The following RCOR1 variants were observed in gnomAD, a reference collection of about 807,000 sequenced individuals.
RCOR1 encodes the protein REST corepressor.
In RCOR1, 12 loss-of-function variants were observed where a neutral mutation model predicts 64.0. The ratio of observed to expected loss-of-function variants is 0.19; its 90% CI spans 0.12 to 0.30. The LOEUF is 0.30. Among genes scored for constraint, RCOR1 ranks in the 10% least tolerant of loss-of-function variants. The pLI, the probability that RCOR1 is intolerant of heterozygous loss-of-function variation, is 1.00. For synonymous variants in RCOR1, 279 were observed against 227.2 expected (o/e 1.23, Z -2.05); for missense variants, 502 against 621.2 (o/e 0.81, Z 2.04).
chr14:102,710,201 A>G (rs913258084), intron 6 of RCOR1, among the ~76,000 whole-genome samples: 1 of 152,176 alleles, frequency 6.6e-6, no homozygotes, highest in African/African-American at 2.4e-5. Flanking sequence ...GTCCCGTGGG[A>G]TGGATTCCAG....
chr14:102,702,673 C>T (rs763592302), intron 4 of RCOR1, among the ~76,000 whole-genome samples: 7 of 152,148 alleles, frequency 4.6e-5, no homozygotes, highest in Admixed American at 2.6e-4. Flanking sequence ...AGTTTATACT[C>T]AGGCTGATCC....
chr14:102,593,902 G>A (rs951344046), intron 2 of RCOR1, among the ~76,000 whole-genome samples: 1 of 152,226 alleles, frequency 6.6e-6, no homozygotes, highest in Non-Finnish European at 1.5e-5. Flanking sequence ...CCTGCCTGGG[G>A]AAGAGAGTCT....
At chr14:102,685,495 T>G (rs1895399366) in intron 3 of RCOR1, among the ~76,000 whole-genome samples, 1 of 152,110 alleles carries the variant, frequency 6.6e-6, no homozygotes. Flanking sequence ...CTTTTTTTTT[T>G]TTTTGAGACA....
intron 4 of RCOR1, among the ~76,000 whole-genome samples, chr14:102,705,309 G>A (rs1393469337): frequency 1.3e-5 from 2 of 152,032 alleles, no homozygotes; most frequent in East Asian, 1.9e-4. Context: ...GCTGATTTCC[G>A]AATCACGTTC....
At chr14:102,644,917 C>T (rs947145074) in intron 2 of RCOR1, among the ~76,000 whole-genome samples, 8 of 152,184 alleles carry the variant, frequency 5.3e-5, no homozygotes, top group African/African-American at 1.4e-4. Context: ...CTGAGTTACC[C>T]TTTTCCCTAA....
At chr14:102,639,708 A>T (rs1300908122) in intron 2 of RCOR1, among the ~76,000 whole-genome samples, 1 of 148,098 alleles carries the variant, frequency 6.8e-6, no homozygotes, top group African/African-American at 2.5e-5. Context: ...TGATTTTTGT[A>T]GTTTTGTGGA....
intron 3 of RCOR1, among the ~76,000 whole-genome samples, chr14:102,683,723 C>T (rs771694026): frequency 1.3e-5 from 2 of 152,354 alleles, no homozygotes; most frequent in Non-Finnish European, 2.9e-5. Flanking sequence ...GTGCGCTCGG[C>T]CACGCTTAGG....
intron 2 of RCOR1, among the ~76,000 whole-genome samples, chr14:102,677,943 A>C (rs1276529510): frequency 3.3e-5 from 5 of 151,782 alleles, no homozygotes; most frequent in Non-Finnish European, 7.4e-5. Flanking sequence ...CTCCGTCTGC[A>C]ATCCCGGCAC....
Position 102,657,621 on chromosome 14 carries a change from T to C in RCOR1, c.362-24274T>C, listed in dbSNP as rs1269963499. ...GGGAGGCCAAGGCGGGCAGATCACT[T>C]GAGGTCAGGAGTTCGAGACCAGCCT... On this transcript the variant is annotated intron_variant, in intron 2 of 11. Transcript: ENST00000262241. 7 of 740,428 alleles carry C rather than the reference T, an allele frequency of 9.5e-6. 1 individual carries two copies. The allele number at this position is 740,428 out of a possible 1,614,324, so 45.9% of individuals were successfully genotyped here. A position where few individuals can be genotyped will look rare whatever the true frequency, so the allele number is the denominator to read the frequency against.
chr14:102,649,935 C>G (rs1211512582), intron 2 of RCOR1: 1 of 230,564 alleles, frequency 4.3e-6, no homozygotes, highest in South Asian at 1.6e-4. Flanking sequence ...CGCGGTGGCT[C>G]ACACCTGTAA....
chr14:102,712,931 A>C (rs1350817842), intron 7 of RCOR1, among the ~76,000 whole-genome samples: 2 of 150,760 alleles, frequency 1.3e-5, no homozygotes, highest in African/African-American at 4.9e-5. Context: ...TTCAGAAAGA[A>C]AATGGCTAAA....
chr14:102,696,162 G>T (rs1439042089), intron 3 of RCOR1, among the ~76,000 whole-genome samples: 2 of 151,990 alleles, frequency 1.3e-5, no homozygotes, highest in Admixed American at 6.6e-5. Context: ...TCGTGTGTTT[G>T]TTCTCTTCTG....
chr14:102,687,975 T>C (rs1243807660), intron 3 of RCOR1, among the ~76,000 whole-genome samples: 1 of 151,454 alleles, frequency 6.6e-6, no homozygotes, highest in Non-Finnish European at 1.5e-5. Context: ...TTTTTTTTTT[T>C]TTTTTTTTGA....
chr14:102,611,485 A>G (rs1377584804), intron 2 of RCOR1, among the ~76,000 whole-genome samples: 1 of 151,582 alleles, frequency 6.6e-6, no homozygotes, highest in African/African-American at 2.4e-5. Context: ...TGTCTTTTCC[A>G]CCTACTTTGC....
chr14:102,666,139 T>C (rs1894913095), intron 2 of RCOR1, among the ~76,000 whole-genome samples: 1 of 151,910 alleles, frequency 6.6e-6, no homozygotes, highest in Non-Finnish European at 1.5e-5. Flanking sequence ...TGGGAAAAGA[T>C]AAAGAGAAGG....
At chr14:102,629,678 G>C (rs185058754) in intron 2 of RCOR1, among the ~76,000 whole-genome samples, 1 of 152,128 alleles carries the variant, frequency 6.6e-6, no homozygotes, top group African/African-American at 2.4e-5. Flanking sequence ...AAACATGGAT[G>C]AGCTGATACA....
intron 3 of RCOR1, among the ~76,000 whole-genome samples, chr14:102,682,348 T>C (rs1895322839): frequency 6.6e-6 from 1 of 152,184 alleles, no homozygotes; most frequent in African/African-American, 2.4e-5. Flanking sequence ...CAGGCTGGTC[T>C]CAAACTCCTG....
At chr14:102,614,464 T>C (rs1437865581) in intron 2 of RCOR1, among the ~76,000 whole-genome samples, 1 of 151,710 alleles carries the variant, frequency 6.6e-6, no homozygotes, top group African/African-American at 2.4e-5. Flanking sequence ...GACCTCGTGA[T>C]CCGCCCGCCT....
chr14:102,642,139 C>A (rs1351500198), intron 2 of RCOR1, among the ~76,000 whole-genome samples: 1 of 152,136 alleles, frequency 6.6e-6, no homozygotes, highest in African/African-American at 2.4e-5. Flanking sequence ...TTTCCCTTTA[C>A]TCCTCGTGCC....
Sources: allele counts gnomAD v4.1 joint callset (sites outside exome capture counted in the v4.1 genomes callset), GRCh38; gene constraint gnomAD v4.1.1; transcripts MANE v1.5; gene names NCBI Gene and HGNC (gene_info 2026-07-23, HGNC 2026-07-21).